The following CYP4F11 variants were observed in gnomAD, a reference collection of about 807,000 sequenced individuals.
CYP4F11 encodes the protein cytochrome P450 4F11.
Under a neutral mutation model 62.2 loss-of-function variants are expected in CYP4F11, and 79 were observed. That is an observed-to-expected ratio of 1.27 (90% CI 1.06 to 1.53). The LOEUF is 1.53. Ranked by LOEUF, CYP4F11 falls within the 40% of genes most tolerant of loss-of-function variation. CYP4F11 has a pLI of 0.00. For missense variants in CYP4F11, 777 were observed against 680.5 expected (o/e 1.14, Z -1.58); for synonymous variants, 290 against 263.7 (o/e 1.10, Z -0.97).
chr19:15,934,422 C>T lies in CYP4F11; in HGVS notation c.-14G>A, dbSNP rs375696261. 26 of 1,611,428 alleles carry T rather than the reference C, an allele frequency of 1.6e-5. No homozygotes were observed. The African/African-American group carries it at 3.1e-4, about 19-fold the overall frequency. ...CAGCTGCGGCATCCTGCAGGGCAGA[C>T]GGGATGGAGGGTGGGATCCTGAGGC... On this transcript the variant is annotated 5_prime_UTR_variant, in exon 1 of 12. Coordinates refer to ENST00000402119, the MANE Select transcript of CYP4F11 (RefSeq NM_021187.4).
At position 15,934,288 on chromosome 19, in the gene CYP4F11, A is replaced by G; in HGVS notation, c.121T>C (p.Phe41Leu). Residue 41 changes from phenylalanine to leucine, a missense_variant, in exon 1 of 12, where the codon TTC becomes CTC. Phe to Leu is a conservative substitution (Grantham distance 22). Transcript: ENST00000402119. ...TGGAGGCGGCGGCAGTTGTCATAGA[A>G]GGTGTAGGTCCAGGCCAGGACGCGG... ...LARVLAWTYT[F>L]YDNCRRLQCF... is the part of the protein sequence containing the mutation. 1.2e-6 allele frequency: 2 copies of G among 1,613,784 alleles called. No individual in the cohort carries two copies. Among genetic ancestry groups the G allele is most frequent in the East Asian group, 4.5e-5 (2 of 44,868 alleles).
chr19:15,929,171 C>G (rs1196246044), intron 2 of CYP4F11, among the ~76,000 whole-genome samples: 1 of 152,202 alleles, frequency 6.6e-6, no homozygotes, highest in Non-Finnish European at 1.5e-5. Flanking sequence ...CTGTCCAGAT[C>G]CATTTCCTCA....
At chr19:15,919,629 C>T (rs1406225905) in intron 8 of CYP4F11, among the ~76,000 whole-genome samples, 2 of 152,134 alleles carry the variant, frequency 1.3e-5, no homozygotes, top group African/African-American at 2.4e-5. Context: ...AGGTTAAACC[C>T]TGTCTTATCT....
rs2089757646 is a variant in CYP4F11, at chr19:15,934,232, C to G, written c.177G>C (p.Trp59Cys). Residue 59 changes from tryptophan to cysteine, a missense_variant, in exon 1 of 12, where the codon TGG becomes TGC. By Grantham distance (215) the Trp-to-Cys change is radical (BLOSUM62 -2). Coordinates refer to ENST00000402119, the MANE Select transcript of CYP4F11 (RefSeq NM_021187.4). Reference sequence around the variant, plus strand: ...TCACCAGGCCCTGGTGTCCCCAAAACCAGTTCTGTTTCGGGGGTTGAGGAA... The same window carrying G: ...TCACCAGGCCCTGGTGTCCCCAAAAGCAGTTCTGTTTCGGGGGTTGAGGAA... ...QCFPQPPKQN[W>C]FWGHQGLVTP... is the part of the protein sequence containing the mutation. 3 of 1,613,570 alleles carry G rather than the reference C, an allele frequency of 1.9e-6. No homozygotes were observed. The highest frequency in any genetic ancestry group is 2.7e-5 in the African/African-American group (2 of 74,922).
intron 1 of CYP4F11, among the ~76,000 whole-genome samples, chr19:15,930,307 A>T (rs914948375): frequency 2.0e-5 from 3 of 152,112 alleles, no homozygotes; most frequent in African/African-American, 4.8e-5. Flanking sequence ...TCCAAAGATA[A>T]TGGCCGGGCG....
rs1354772290 is a variant in CYP4F11 at position 15,929,676 on chromosome 19, G to A, written c.199-75C>T. 10 of 1,494,276 alleles carry A rather than the reference G, an allele frequency of 6.7e-6. No individual in the cohort carries two copies. The East Asian group carries it at 1.6e-4, about 24-fold the overall frequency. The allele number at this position is 1,494,276 out of a possible 1,614,324, so 92.6% of individuals were successfully genotyped here. ...ATCCTGAATTAATCATGAATTCCAC[G>A]TGACCGAGCCAAGAGATGCCCAGAT... is the stretch of plus-strand genomic sequence containing the variant. On this transcript the variant is annotated intron_variant, in intron 1 of 11. Transcript: ENST00000402119.
Position 15,925,719 on chromosome 19 carries a change from T to C in CYP4F11, c.526-837A>G, listed in dbSNP as rs551577664. ...ATATATATACACACACATATATATATACATATATGTACACACACACACACA... is the reference window on the plus strand; with the variant it reads ...ATATATATACACACACATATATATACACATATATGTACACACACACACACA... On this transcript the variant is annotated intron_variant, in intron 4 of 11. Coordinates refer to ENST00000402119, the MANE Select transcript of CYP4F11 (RefSeq NM_021187.4). Among the ~76,000 whole-genome samples the C allele has an allele frequency of 1.2e-4, 9 of 75,412 alleles. No homozygotes were observed. The East Asian group carries it at 1.5e-3, about 13-fold the overall frequency. 49.5% of individuals were successfully genotyped at this position (75,412 alleles called of 152,430 possible).
chr19:15,931,563 A>AGGAGAGGAATGAGTGAGTGG (rs1568257342), intron 1 of CYP4F11, among the ~76,000 whole-genome samples: 1 of 92,348 alleles, frequency 1.1e-5, no homozygotes, highest in South Asian at 4.0e-4. Flanking sequence ...TGAGTGAGCG[A>AGGAGAGGAATGAGTGAGTGG]GGAGAGGAAT....
At chr19:15,918,933 TAA>T (rs34830276) in intron 8 of CYP4F11, among the ~76,000 whole-genome samples, 36 of 127,898 alleles carry the variant, frequency 2.8e-4, no homozygotes, top group Middle Eastern at 4.5e-3. Context: ...TATGCCATGC[TAA>T]AAAAAAAAAA....
chr19:15,922,239 G>C (rs779299266), intron 7 of CYP4F11, 73 bp from the exon 8 acceptor site: 287 of 1,596,304 alleles, frequency 1.8e-4, no homozygotes, highest in Admixed American at 4.3e-4. Flanking sequence ...CCCAAACTCT[G>C]AGGCCCTCAG....
At chr19:15,925,059 A>G (rs1004018307) in intron 4 of CYP4F11, among the ~76,000 whole-genome samples, 177 bp from the exon 5 acceptor site, 1 of 152,192 alleles carries the variant, frequency 6.6e-6, no homozygotes, top group South Asian at 2.1e-4. Context: ...TAGGAGATAA[A>G]GACTCATGGC....
chr19:15,914,853 C>T lies in CYP4F11; in HGVS notation c.1158G>A (p.Lys386=). The change falls in exon 9 of 12, where the codon AAG becomes AAA. Residue 386 remains lysine (K), a synonymous_variant. Transcript: ENST00000402119. ...CTGGGGGATGCAACCGCAGGCTCTC[C>T]TTAATGCACATGGTCAGGAAGGGCA... The part of the protein sequence containing the change: ...AQLPFLTMCI[K]ESLRLHPPVP... 6.2e-7 allele frequency: 1 copy of T among 1,614,160 alleles called. No individual in the cohort carries two copies. The highest frequency in any genetic ancestry group is 8.5e-7 in the Non-Finnish European group (1 of 1,180,030).
chr19:15,920,984 C>T (rs1210539290), intron 8 of CYP4F11, among the ~76,000 whole-genome samples: 1 of 151,580 alleles, frequency 6.6e-6, no homozygotes. Flanking sequence ...CCACTTCTCT[C>T]TTTCCCTCTT....
chr19:15,919,521 T>TAGATAGAC (rs1191784843), intron 8 of CYP4F11, among the ~76,000 whole-genome samples: 9,900 of 145,658 alleles, frequency 0.068, 638 homozygotes, highest in Non-Finnish European at 0.092. Context: ...GATAGATAGA[T>TAGATAGAC]AGACAGATAG....
intron 8 of CYP4F11, among the ~76,000 whole-genome samples, chr19:15,917,301 A>G (rs1409193066): frequency 6.6e-6 from 1 of 152,128 alleles, no homozygotes; most frequent in Non-Finnish European, 1.5e-5. Flanking sequence ...CAAGGGATAA[A>G]AGGTTACATA....
chr19:15,926,442 T>A (rs7252266), intron 4 of CYP4F11, among the ~76,000 whole-genome samples: 82,345 of 151,876 alleles, frequency 0.54, 22,865 homozygotes, highest in Non-Finnish European at 0.6. Flanking sequence ...TCCTAAGCAC[T>A]TCACAAAATC....
Position 15,914,774 on chromosome 19 carries a change from C to T in CYP4F11, c.1237G>A (p.Val413Ile), listed in dbSNP as rs764780177. The T allele has an allele frequency of 2.9e-5, 47 of 1,613,996 alleles. No homozygotes were observed. The highest frequency in any genetic ancestry group is 1.2e-4 in the Admixed American group (7 of 60,002). Residue 413 changes from valine (V) to isoleucine (I), a missense_variant, in exon 9 of 12, where the codon GTC becomes ATC. Physicochemically the swap from Val to Ile is conservative, Grantham distance 29. Coordinates refer to ENST00000402119, the MANE Select transcript of CYP4F11 (RefSeq NM_021187.4). The stretch of plus-strand genomic sequence containing the variant: ...AGGCTGTGAGCACCTTTGGGGATGA[C>T]GCGGCCGTCTGGGAGCACAAAGTCC... ...TQDFVLPDGRVIPKGIVCLIN... is the reference protein window; with the variant it reads ...TQDFVLPDGRIIPKGIVCLIN...
At chr19:15,920,156 A>G (rs2145042718) in intron 8 of CYP4F11, among the ~76,000 whole-genome samples, 1 of 152,368 alleles carries the variant, frequency 6.6e-6, no homozygotes, top group Admixed American at 6.5e-5. Flanking sequence ...TGTGTACATC[A>G]TAACATCACA....
chr19:15,916,257 T>C (rs6512075), intron 8 of CYP4F11, among the ~76,000 whole-genome samples: 82,568 of 151,970 alleles, frequency 0.54, 23,026 homozygotes, highest in Non-Finnish European at 0.61. Context: ...ATCTATCTAA[T>C]TTTTAGGAAC....
Sources: allele counts gnomAD v4.1 joint callset (sites outside exome capture counted in the v4.1 genomes callset), GRCh38; gene constraint gnomAD v4.1.1; transcripts MANE v1.5; gene names NCBI Gene and HGNC (gene_info 2026-07-23, HGNC 2026-07-21).